The following ADCY2 variants were observed in gnomAD, a reference collection of about 807,000 sequenced individuals.
ADCY2 encodes adenylate cyclase 2.
Under a neutral mutation model 125.2 loss-of-function variants are expected in ADCY2, and 31 were observed. That is an observed-to-expected ratio of 0.25 (90% CI 0.19 to 0.33). The LOEUF (loss-of-function observed/expected upper bound fraction) is 0.33. Ranked by LOEUF, ADCY2 falls within the 10% of genes least tolerant of loss-of-function variation. The probability of loss-of-function intolerance (pLI) is 1.00; values close to 1 mark genes in which losing one functional copy is unlikely to be tolerated. For synonymous variants in ADCY2, 512 were observed against 548.4 expected (o/e 0.93, Z 0.93); for missense variants, 904 against 1,418.2 (o/e 0.64, Z 5.82).
At chr5:7,739,958 G>A (rs1742363002) in intron 14 of ADCY2, among the ~76,000 whole-genome samples, 2 of 151,924 alleles carry the variant, frequency 1.3e-5, no homozygotes, top group South Asian at 4.1e-4. Context: ...TTATTTGTGT[G>A]TGAATTCTAC....
At chr5:7,751,188 TA>T (rs773736421) in intron 15 of ADCY2, among the ~76,000 whole-genome samples, 11 of 152,226 alleles carry the variant, frequency 7.2e-5, no homozygotes, top group Non-Finnish European at 1.6e-4. Context: ...TGGCTCATTT[TA>T]AAAAATACTT....
At chr5:7,411,092 T>TC (rs1268943344) in intron 1 of ADCY2, among the ~76,000 whole-genome samples, 2 of 152,198 alleles carry the variant, frequency 1.3e-5, no homozygotes, top group Non-Finnish European at 2.9e-5. Flanking sequence ...CTTCTGTTCT[T>TC]CCCATGACAC....
At chr5:7,483,149 ATAGT>A (rs898341119) in intron 2 of ADCY2, among the ~76,000 whole-genome samples, 2 of 152,192 alleles carry the variant, frequency 1.3e-5, no homozygotes, top group African/African-American at 4.8e-5. Flanking sequence ...ATATTTCTAA[ATAGT>A]TAGAAGAGAA....
rs191910435 is a variant in ADCY2 at position 7,415,060 on chromosome 5, T to G, written c.408+290T>G. On this transcript the variant is annotated intron_variant, in intron 2 of 24. Coordinates refer to ENST00000338316, the MANE Select transcript of ADCY2 (RefSeq NM_020546.3). ...GTATGTATATGTGTGTGTGTATAATTGGATACATATGTGTTTAATATAAAA... is the reference window on the plus strand; with the variant it reads ...GTATGTATATGTGTGTGTGTATAATGGGATACATATGTGTTTAATATAAAA... Among the ~76,000 whole-genome samples the G allele has an allele frequency of 3.3e-5, 5 of 152,334 alleles. No individual in the cohort carries two copies. The East Asian group carries it at 9.6e-4, about 29-fold the overall frequency.
chr5:7,451,123 C>T lies in ADCY2; in HGVS notation c.408+36353C>T, dbSNP rs1000552013. Among the ~76,000 whole-genome samples the T allele has an allele frequency of 3.9e-5, 6 of 152,166 alleles. No homozygotes were observed. In the South Asian group the frequency reaches 1.2e-3, roughly 32 times the overall value. ...CAGCCTATGAATCAAGGTGTAATTT[C>T]AACTTTCAAGTCTTATTACTTCAGA... On this transcript the variant is annotated intron_variant, in intron 2 of 24. Transcript: ENST00000338316.
At chr5:7,800,978 C>A (rs1054705068) in intron 20 of ADCY2, 1 of 152,180 alleles carries the variant, frequency 6.6e-6, no homozygotes, top group African/African-American at 2.4e-5. Context: ...ACCTTGATTT[C>A]GTTGTTCATG....
At chr5:7,753,231 C>T (rs1335153367) in intron 15 of ADCY2, among the ~76,000 whole-genome samples, 2 of 152,138 alleles carry the variant, frequency 1.3e-5, no homozygotes, top group Non-Finnish European at 2.9e-5. Context: ...TTTATTACAT[C>T]TCCCACTGCA....
intron 18 of ADCY2, among the ~76,000 whole-genome samples, chr5:7,780,786 T>G (rs1743897339): frequency 6.7e-6 from 1 of 149,804 alleles, no homozygotes; most frequent in African/African-American, 2.4e-5. Flanking sequence ...GAAAATGTCC[T>G]TTTTTACTCC....
intron 2 of ADCY2, among the ~76,000 whole-genome samples, chr5:7,447,444 A>G (rs939633173): frequency 3.3e-5 from 5 of 152,308 alleles, no homozygotes; most frequent in African/African-American, 1.2e-4. Flanking sequence ...AATCTGGTTC[A>G]GGGAATTGAG....
At chr5:7,463,481 A>C (rs1426021657) in intron 2 of ADCY2, among the ~76,000 whole-genome samples, 1 of 152,174 alleles carries the variant, frequency 6.6e-6, no homozygotes. Context: ...TGGTGTAATC[A>C]AATTCTTTGC....
In ADCY2 at chr5:7,829,805, G is replaced by C. The variant is rs1363043103; in HGVS notation, c.*2934G>C. 1 of 152,242 alleles carries C rather than the reference G, an allele frequency of 6.6e-6. No homozygotes were observed. The highest frequency in any genetic ancestry group is 1.5e-5 in the Non-Finnish European group (1 of 68,126). The allele number at this position is 152,242 out of a possible 1,614,324, so 9.4% of individuals were successfully genotyped here. On this transcript the variant is annotated 3_prime_UTR_variant, in exon 25 of 25. Coordinates refer to ENST00000338316, the MANE Select transcript of ADCY2 (RefSeq NM_020546.3). ...ATGACCAGGTAACATCATCAGGCCG[G>C]GTGCAGTGGCTCCTATAATCCCAAT... is the stretch of plus-strand genomic sequence containing the variant.
intron 15 of ADCY2, among the ~76,000 whole-genome samples, chr5:7,744,484 A>T (rs1175244060): frequency 6.6e-6 from 1 of 152,274 alleles, no homozygotes; most frequent in African/African-American, 2.4e-5. Context: ...AATATCTTTT[A>T]TTAGTGTTTA....
intron 7 of ADCY2, among the ~76,000 whole-genome samples, chr5:7,706,026 C>A (rs578123523): frequency 1.3e-5 from 2 of 152,118 alleles, no homozygotes; most frequent in African/African-American, 4.8e-5. Context: ...GTAATTCTTT[C>A]GATGTAACTA....
At position 7,402,939 on chromosome 5, in the gene ADCY2, C is replaced by T. The variant is rs115094416; in HGVS notation, c.210+6433C>T. Among the ~76,000 whole-genome samples, 672 of 152,230 alleles carry T rather than the reference C, an allele frequency of 4.4e-3. 6 individuals carry two copies. The highest frequency in any genetic ancestry group is 0.015 in the African/African-American group (638 of 41,524). On this transcript the variant is annotated intron_variant, in intron 1 of 24. Coordinates refer to ENST00000338316, the MANE Select transcript of ADCY2 (RefSeq NM_020546.3). Reference sequence around the variant, plus strand: ...TGGTAGAAAAGATGGCAGATCAGCACTATTGTAATGGGAGCCCTGCCTGCA... The same window carrying T: ...TGGTAGAAAAGATGGCAGATCAGCATTATTGTAATGGGAGCCCTGCCTGCA...
chr5:7,438,293 C>T (rs573202298), intron 2 of ADCY2, among the ~76,000 whole-genome samples: 1 of 152,180 alleles, frequency 6.6e-6, no homozygotes, highest in East Asian at 1.9e-4. Context: ...AGAGGCTAGG[C>T]CCTGGAATTA....
intron 20 of ADCY2, 89 bp downstream of exon 20, chr5:7,789,889 G>T: frequency 2.8e-6 from 3 of 1,052,858 alleles, no homozygotes; most frequent in Non-Finnish European, 4.0e-6. Context: ...GTGACATAAA[G>T]GCTGCAGTAC....
chr5:7,563,346 A>C (rs1037173050), intron 3 of ADCY2, among the ~76,000 whole-genome samples: 1 of 152,204 alleles, frequency 6.6e-6, no homozygotes, highest in Non-Finnish European at 1.5e-5. Context: ...AGCGATGAGC[A>C]TACCCTGCAA....
At chr5:7,636,980 T>C (rs1305261707) in intron 4 of ADCY2, among the ~76,000 whole-genome samples, 2 of 152,226 alleles carry the variant, frequency 1.3e-5, no homozygotes, top group East Asian at 3.8e-4. Context: ...GTTTGTTTGT[T>C]CAAGATTTTC....
At chr5:7,664,607 A>C (rs1739651284) in intron 4 of ADCY2, among the ~76,000 whole-genome samples, 1 of 152,234 alleles carries the variant, frequency 6.6e-6, no homozygotes, top group African/African-American at 2.4e-5. Flanking sequence ...CAATCTGAGC[A>C]TAACGAGGAA....
Sources: allele counts gnomAD v4.1 joint callset (sites outside exome capture counted in the v4.1 genomes callset), GRCh38; gene constraint gnomAD v4.1.1; transcripts MANE v1.5; gene names NCBI Gene and HGNC (gene_info 2026-07-23, HGNC 2026-07-21).